ITGA9: variants seen among roughly 807,000 people sequenced by gnomAD.
ITGA9 encodes integrin subunit alpha 9.
A neutral mutation model predicts 127.8 loss-of-function variants in ITGA9; 56 were observed. That is an observed-to-expected ratio of 0.44 (90% confidence interval 0.35 to 0.55). The LOEUF is 0.55. Ranked by LOEUF, ITGA9 falls within the 20% of genes least tolerant of loss-of-function variation. The probability of loss-of-function intolerance (pLI) is 0.00; values close to 1 mark genes in which losing one functional copy is unlikely to be tolerated. For missense variants in ITGA9, 1,196 were observed against 1,347.1 expected (o/e 0.89, Z 1.76); for synonymous variants, 508 against 514.5 (o/e 0.99, Z 0.17).
intron 26 of ITGA9, among the ~76,000 whole-genome samples, chr3:37,803,062 T>C (rs1697253298): frequency 6.6e-6 from 1 of 152,202 alleles, no homozygotes; most frequent in African/African-American, 2.4e-5. Flanking sequence ...CACAGTCTAC[T>C]GGGGAAACTG....
At chr3:37,804,878 A>G (rs1697277596) in intron 27 of ITGA9, among the ~76,000 whole-genome samples, 1 of 152,244 alleles carries the variant, frequency 6.6e-6, no homozygotes, top group Admixed American at 6.5e-5. Flanking sequence ...CCAGGAGTTC[A>G]CATCCCAGAA....
intron 15 of ITGA9, among the ~76,000 whole-genome samples, chr3:37,563,669 G>T (rs955899784): frequency 5.9e-5 from 9 of 152,244 alleles, no homozygotes; most frequent in Non-Finnish European, 1.3e-4. Context: ...CCGTGGCTTT[G>T]CTGGGTCAAT....
intron 23 of ITGA9, among the ~76,000 whole-genome samples, chr3:37,751,194 G>A (rs962105595): frequency 4.6e-5 from 7 of 152,242 alleles, no homozygotes; most frequent in African/African-American, 1.7e-4. Context: ...ATGTAGAACA[G>A]GTCACTCCTC....
chr3:37,782,974 C>G (rs1284616771), intron 25 of ITGA9, among the ~76,000 whole-genome samples: 1 of 152,114 alleles, frequency 6.6e-6, no homozygotes, highest in Non-Finnish European at 1.5e-5. Context: ...CCCATCTCTA[C>G]TAAAAAATAC....
chr3:37,502,879 C>T (rs1698801427), intron 5 of ITGA9, among the ~76,000 whole-genome samples: 3 of 152,170 alleles, frequency 2.0e-5, no homozygotes, highest in Admixed American at 2.0e-4. Context: ...TTGTTAGAGC[C>T]TGATGTAAAG....
At chr3:37,616,657 G>C (rs572182321) in intron 15 of ITGA9, among the ~76,000 whole-genome samples, 2 of 152,220 alleles carry the variant, frequency 1.3e-5, no homozygotes, top group South Asian at 4.1e-4. Context: ...CCTGTATTGG[G>C]TGCATATATA....
At chr3:37,623,691 CTG>C (rs10581492) in intron 15 of ITGA9, among the ~76,000 whole-genome samples, 97,025 of 149,276 alleles carry the variant, frequency 0.65, 31,600 homozygotes, top group East Asian at 0.79. Flanking sequence ...GTGTGTGTGT[CTG>C]TGTGTGTGTG....
intron 15 of ITGA9, among the ~76,000 whole-genome samples, chr3:37,595,033 C>T (rs1699855936): frequency 6.6e-6 from 1 of 152,176 alleles, no homozygotes. Context: ...CCCTAGTCAT[C>T]TCCCTCAAGA....
At chr3:37,732,613 C>G in intron 18 of ITGA9, 99 bp from the exon 19 acceptor site, 4 of 873,702 alleles carry the variant, frequency 4.6e-6, no homozygotes, top group Non-Finnish European at 7.6e-6. Context: ...TGCCTACCGT[C>G]TGAGCACTGC....
chr3:37,774,334 G>A lies in ITGA9; in HGVS notation c.2542-3058G>A, dbSNP rs566464659. 3.9e-5 allele frequency among the ~76,000 whole-genome samples: 6 copies of A among 152,104 alleles called. No individual in the cohort carries two copies. The South Asian group carries it at 8.3e-4, about 21-fold the overall frequency. On this transcript the variant is annotated intron_variant, in intron 23 of 27. Transcript: ENST00000264741. ...TTTCCCTCTCGTGACCTCTAAAATC[G>A]TCCAGACCTGATGTTGATTGAGATC...
chr3:37,467,074 G>A (rs1698380875), intron 1 of ITGA9, among the ~76,000 whole-genome samples: 1 of 152,204 alleles, frequency 6.6e-6, no homozygotes, highest in Admixed American at 6.5e-5. Context: ...TCATGGGCTG[G>A]CCTGCGGTAG....
Position 37,541,303 on chromosome 3 carries a change from A to T in ITGA9, c.1529-1122A>T, listed in dbSNP as rs181897799. 3.3e-5 allele frequency among the ~76,000 whole-genome samples: 5 copies of T among 152,304 alleles called. 1 individual carries two copies. The highest frequency in any genetic ancestry group is 1.3e-4 in the Admixed American group (2 of 15,304). On this transcript the variant is annotated intron_variant, in intron 14 of 27. Transcript: ENST00000264741. ...TTGCCTTGTCATTCCAGGGACAGAG[A>T]TTCCTGTTCTCTCACTTTAAAAATA...
chr3:37,576,449 A>C (rs1699654740), intron 15 of ITGA9, among the ~76,000 whole-genome samples: 1 of 152,206 alleles, frequency 6.6e-6, no homozygotes. Context: ...TTTCAGTTAC[A>C]ACAGTGTGAG....
intron 14 of ITGA9, among the ~76,000 whole-genome samples, chr3:37,537,914 C>T (rs1217791716): frequency 6.6e-6 from 1 of 152,234 alleles, no homozygotes; most frequent in African/African-American, 2.4e-5. Flanking sequence ...GGCCTGGGAA[C>T]AGCCTGTGGC....
intron 26 of ITGA9, among the ~76,000 whole-genome samples, chr3:37,791,897 G>A (rs1021038581): frequency 6.6e-6 from 1 of 152,182 alleles, no homozygotes; most frequent in African/African-American, 2.4e-5. Context: ...AAAGTTTACT[G>A]CTTTTACTGT....
Position 37,820,319 on chromosome 3 carries a change from A to G in ITGA9, c.*1330A>G, listed in dbSNP as rs908135678. 3.9e-5 allele frequency: 6 copies of G among 152,270 alleles called. No individual in the cohort carries two copies. Among genetic ancestry groups the G allele is most frequent in the African/African-American group, 1.4e-4 (6 of 41,436 alleles). The allele number at this position is 152,270 out of a possible 1,614,324, so 9.4% of individuals were successfully genotyped here. Reference sequence around the variant, plus strand: ...GGCTGGCTGCACCCAGAGGAGATGTAAACGTTTTATTCTCAATTCCTGCTG... The same window carrying G: ...GGCTGGCTGCACCCAGAGGAGATGTGAACGTTTTATTCTCAATTCCTGCTG... On this transcript the variant is annotated 3_prime_UTR_variant, in exon 28 of 28. Coordinates refer to ENST00000264741, the MANE Select transcript of ITGA9 (RefSeq NM_002207.3).
chr3:37,818,897 T>C lies in ITGA9; in HGVS notation c.3016T>C (p.Phe1006Leu). Residue 1006 changes from phenylalanine (F) to leucine (L), a missense_variant, in exon 28 of 28, where the codon TTC becomes CTC. Coordinates refer to ENST00000264741, the MANE Select transcript of ITGA9 (RefSeq NM_002207.3). ...CTTTCTTTCTGCCTTTCAGATGGGC[T>C]TCTTTCGCCGAAGGTACAAAGAAAT... ...LLAVLLWKMG[F>L]FRRRYKEIIE... 6.2e-7 allele frequency: 1 copy of C among 1,613,326 alleles called. No homozygotes were observed. Among genetic ancestry groups the C allele is most frequent in the Non-Finnish European group, 8.5e-7 (1 of 1,179,282 alleles).
chr3:37,666,468 G>A (rs953381791), intron 17 of ITGA9, among the ~76,000 whole-genome samples: 5 of 152,154 alleles, frequency 3.3e-5, no homozygotes, highest in African/African-American at 1.2e-4. Context: ...GGGTCTTCTG[G>A]TCTCATTTGG....
intron 16 of ITGA9, among the ~76,000 whole-genome samples, chr3:37,634,192 G>T (rs1700255574): frequency 6.6e-6 from 1 of 151,674 alleles, no homozygotes; most frequent in South Asian, 2.1e-4. Flanking sequence ...AGGAACAAAG[G>T]ATCTACAAAA....
Sources: allele counts gnomAD v4.1 joint callset (sites outside exome capture counted in the v4.1 genomes callset), GRCh38; gene constraint gnomAD v4.1.1; transcripts MANE v1.5; gene names NCBI Gene and HGNC (gene_info 2026-07-23, HGNC 2026-07-21).